PRKCA: variants seen among roughly 807,000 people sequenced by gnomAD.
PRKCA encodes the protein protein kinase C alpha, also known as protein kinase C alpha type.
Under a neutral mutation model 87.0 loss-of-function variants are expected in PRKCA, and 27 were observed. That is an observed-to-expected ratio of 0.31 (90% CI 0.23 to 0.43). PRKCA has a LOEUF of 0.43. PRKCA is among the 20% of genes least tolerant of loss of function. The probability of loss-of-function intolerance (pLI) is 1.00; values close to 1 mark genes in which losing one functional copy is unlikely to be tolerated. For missense variants in PRKCA, 518 were observed against 852.3 expected (o/e 0.61, Z 4.88); for synonymous variants, 329 against 311.1 (o/e 1.06, Z -0.61).
At chr17:66,650,258 G>A (rs1245149329) in intron 5 of PRKCA, among the ~76,000 whole-genome samples, 1 of 152,178 alleles carries the variant, frequency 6.6e-6, no homozygotes, top group Non-Finnish European at 1.5e-5. Context: ...TTTCTTTCTA[G>A]CTTGGTGGGG....
chr17:66,798,185 C>T (rs1281333396), intron 16 of PRKCA, among the ~76,000 whole-genome samples: 1 of 152,228 alleles, frequency 6.6e-6, no homozygotes, highest in East Asian at 1.9e-4. Context: ...TTTGCTTCTT[C>T]TTGCTCCCTG....
chr17:66,386,838 TC>T (rs1470201637), intron 2 of PRKCA, among the ~76,000 whole-genome samples: 3 of 152,158 alleles, frequency 2.0e-5, no homozygotes, highest in African/African-American at 7.2e-5. Flanking sequence ...GCAAGAACAT[TC>T]CTTCATTACT....
chr17:66,748,054 C>A (rs1689324437), intron 13 of PRKCA, among the ~76,000 whole-genome samples: 1 of 152,198 alleles, frequency 6.6e-6, no homozygotes, highest in Admixed American at 6.5e-5. Flanking sequence ...GTATTCTCAG[C>A]AGTAACAGAT....
chr17:66,673,341 A>C (rs1972243915), intron 5 of PRKCA, among the ~76,000 whole-genome samples: 1 of 152,214 alleles, frequency 6.6e-6, no homozygotes, highest in Admixed American at 6.5e-5. Flanking sequence ...TGGGACAGAA[A>C]TTCACTCTTA....
At chr17:66,560,750 G>A (rs957609398) in intron 3 of PRKCA, among the ~76,000 whole-genome samples, 1 of 152,182 alleles carries the variant, frequency 6.6e-6, no homozygotes, top group African/African-American at 2.4e-5. Flanking sequence ...AGGAACTTAA[G>A]ACTATTACCA....
chr17:66,629,563 TG>T (rs1684727465), intron 3 of PRKCA, among the ~76,000 whole-genome samples: 1 of 152,234 alleles, frequency 6.6e-6, no homozygotes, highest in Non-Finnish European at 1.5e-5. Flanking sequence ...CTTACCACTT[TG>T]TACAGGGCTG....
intron 2 of PRKCA, among the ~76,000 whole-genome samples, chr17:66,437,735 C>T (rs140205470): frequency 0.16 from 898 of 5,556 alleles, 73 homozygotes; most frequent in Middle Eastern, 0.5. Flanking sequence ...TTTTTTTGAG[C>T]GGGGGGTGGG....
chr17:66,558,084 G>T (rs1198518894), intron 3 of PRKCA, among the ~76,000 whole-genome samples: 1 of 152,244 alleles, frequency 6.6e-6, no homozygotes, highest in African/African-American at 2.4e-5. Flanking sequence ...GCCAATACGG[G>T]AATAGCTGTA....
At chr17:66,321,793 C>T (rs909249411) in intron 2 of PRKCA, among the ~76,000 whole-genome samples, 2 of 152,276 alleles carry the variant, frequency 1.3e-5, no homozygotes, top group South Asian at 2.1e-4. Context: ...ATCCACCCGC[C>T]TCAGCCTCCC....
In PRKCA at chr17:66,799,637, GTGGTGA is replaced by G. The variant is rs1407928454; in HGVS notation, c.1855-4230_1855-4225del. ...GGTGGTGGTGGTGATGGTAATGGTG[GTGGTGA>G]TGGTGGTGGTAGTGACGGTGGTGGT... On this transcript the variant is annotated intron_variant, in intron 16 of 16. Transcript: ENST00000413366. 3.8e-5 allele frequency among the ~76,000 whole-genome samples: 4 copies of G among 104,114 alleles called. 1 individual carries two copies. In the East Asian group the frequency reaches 1.1e-3, roughly 28 times the overall value. The allele number at this position is 104,114 out of a possible 152,430, so 68.3% of individuals were successfully genotyped here.
chr17:66,482,844 C>G (rs1438605571), intron 2 of PRKCA, among the ~76,000 whole-genome samples: 1 of 152,224 alleles, frequency 6.6e-6, no homozygotes, highest in East Asian at 1.9e-4. Context: ...ACTAATGCCT[C>G]AGATGTTTTT....
intron 3 of PRKCA, among the ~76,000 whole-genome samples, chr17:66,575,506 G>T (rs1969212599): frequency 6.6e-6 from 1 of 152,154 alleles, no homozygotes; most frequent in Non-Finnish European, 1.5e-5. Flanking sequence ...CTTGAACCCG[G>T]GAGGCGGAGG....
At chr17:66,403,104 C>G (rs1911132021) in intron 2 of PRKCA, among the ~76,000 whole-genome samples, 1 of 152,070 alleles carries the variant, frequency 6.6e-6, no homozygotes, top group African/African-American at 2.4e-5. Flanking sequence ...AGAATCTACT[C>G]TATGTTTGGG....
chr17:66,465,243 G>A (rs1598695788), intron 2 of PRKCA, among the ~76,000 whole-genome samples: 1 of 152,114 alleles, frequency 6.6e-6, no homozygotes, highest in Non-Finnish European at 1.5e-5. Context: ...CCTATGAGCT[G>A]TTTTGTAAAC....
Position 66,406,611 on chromosome 17 carries a change from A to ATTT in PRKCA, c.206-89590_206-89589insTTT, listed in dbSNP as rs1598645735. On this transcript the variant is annotated intron_variant, in intron 2 of 16. Coordinates refer to ENST00000413366, the MANE Select transcript of PRKCA (RefSeq NM_002737.3). The stretch of plus-strand genomic sequence containing the variant: ...TTTTTTTTTTTTTTTTTTTTTTTTA[A>ATTT]ATGTCATAGAAAAGATACCGGTGGA... 2.2e-4 allele frequency among the ~76,000 whole-genome samples: 3 copies of ATTT among 13,372 alleles called. No homozygotes were observed. In the East Asian group the frequency reaches 8.2e-3, roughly 36 times the overall value. 8.8% of individuals were successfully genotyped at this position (13,372 alleles called of 152,430 possible).
intron 3 of PRKCA, among the ~76,000 whole-genome samples, chr17:66,631,065 C>CT: frequency 6.6e-6 from 1 of 152,238 alleles, no homozygotes; most frequent in Middle Eastern, 3.4e-3. Context: ...TCTGCCATTT[C>CT]TTTTTTTCCT....
At chr17:66,624,857 GAAA>G (rs1277198377) in intron 3 of PRKCA, among the ~76,000 whole-genome samples, 1 of 151,756 alleles carries the variant, frequency 6.6e-6, no homozygotes, top group Non-Finnish European at 1.5e-5. Context: ...TGCATCATTA[GAAA>G]AAAATTATAA....
At chr17:66,406,584 G>GGTTTTTTT (rs1911397853) in intron 2 of PRKCA, among the ~76,000 whole-genome samples, 1 of 21,292 alleles carries the variant, frequency 4.7e-5, no homozygotes, top group Non-Finnish European at 1.6e-4. Flanking sequence ...AGCTTTTCCA[G>GGTTTTTTT]GTTTTTTTTT....
At chr17:66,591,879 G>A (rs1032286786) in intron 3 of PRKCA, among the ~76,000 whole-genome samples, 7 of 152,044 alleles carry the variant, frequency 4.6e-5, no homozygotes, top group South Asian at 2.1e-4. Flanking sequence ...CATCCCTGCC[G>A]AACCTTTGCT....
Sources: gnomAD v4.1 joint callset for allele counts (sites outside exome capture counted in the v4.1 genomes callset) on GRCh38, gnomAD v4.1.1 for gene constraint, MANE v1.5 for transcripts, NCBI Gene and HGNC (gene_info 2026-07-23, HGNC 2026-07-21) for gene names.